Variants in FOXP2 observed in about 807,000 individuals in gnomAD.
The protein encoded by FOXP2 is forkhead box protein P2.
FOXP2 carries 12 observed loss-of-function variants against 115.8 expected under a neutral mutation model. The observed-to-expected ratio is 0.10, with a 90% confidence interval of 0.07 to 0.17. FOXP2 has a LOEUF of 0.17. Ranked by LOEUF, FOXP2 falls within the 10% of genes least tolerant of loss-of-function variation. The pLI is 1.00. For synonymous variants in FOXP2, 328 were observed against 297.7 expected (o/e 1.10, Z -1.05); for missense variants, 629 against 843.5 (o/e 0.75, Z 3.15).
chr7:114,261,305 A>T (rs747056168), intron 1 of FOXP2, among the ~76,000 whole-genome samples: 14 of 152,326 alleles, frequency 9.2e-5, no homozygotes, highest in Non-Finnish European at 2.1e-4. Flanking sequence ...CGCTATGCTA[A>T]CTTTACTTTT....
chr7:114,539,616 G>A (rs980942266), intron 3 of FOXP2, among the ~76,000 whole-genome samples: 1 of 151,932 alleles, frequency 6.6e-6, no homozygotes, highest in Non-Finnish European at 1.5e-5. Flanking sequence ...GTCTTGTGTG[G>A]CTCTTATTTT....
chr7:114,625,905 A>T (rs1226649529), intron 3 of FOXP2, among the ~76,000 whole-genome samples: 1 of 151,754 alleles, frequency 6.6e-6, no homozygotes, highest in African/African-American at 2.4e-5. Flanking sequence ...CTATATAATT[A>T]ATTTTAATTT....
At chr7:114,252,748 T>C (rs915753243) in intron 1 of FOXP2, among the ~76,000 whole-genome samples, 1 of 151,814 alleles carries the variant, frequency 6.6e-6, no homozygotes, top group African/African-American at 2.4e-5. Flanking sequence ...AACCAGCTCC[T>C]GCTTTCATTG....
chr7:114,193,277 A>G (rs1793812382), intron 1 of FOXP2, among the ~76,000 whole-genome samples: 1 of 152,086 alleles, frequency 6.6e-6, no homozygotes, highest in Non-Finnish European at 1.5e-5. Context: ...ATGCAAACTA[A>G]TATTAATGCT....
At chr7:114,192,223 G>C (rs1321013771) in intron 1 of FOXP2, among the ~76,000 whole-genome samples, 1 of 151,984 alleles carries the variant, frequency 6.6e-6, no homozygotes, top group Non-Finnish European at 1.5e-5. Flanking sequence ...TTGACCTCGT[G>C]ATCTGCCCGC....
At chr7:114,469,266 A>G (rs1795940398) in intron 2 of FOXP2, among the ~76,000 whole-genome samples, 2 of 152,290 alleles carry the variant, frequency 1.3e-5, no homozygotes, top group South Asian at 4.1e-4. Context: ...ACAGGAAAAA[A>G]GGTCTCAGTC....
chr7:114,309,173 T>G (rs1797084320), intron 2 of FOXP2, among the ~76,000 whole-genome samples: 1 of 152,196 alleles, frequency 6.6e-6, no homozygotes. Context: ...ATTAGACAAG[T>G]GTATCTCCCA....
intron 2 of FOXP2, among the ~76,000 whole-genome samples, chr7:114,307,782 G>T (rs760261773): frequency 2.8e-4 from 43 of 152,104 alleles, no homozygotes; most frequent in Non-Finnish European, 5.7e-4. Flanking sequence ...ATTGGGGGTG[G>T]GGAGAGGATG....
intron 2 of FOXP2, among the ~76,000 whole-genome samples, chr7:114,465,061 G>A (rs186670914): frequency 6.6e-6 from 1 of 152,246 alleles, no homozygotes; most frequent in East Asian, 1.9e-4. Context: ...GGACATTATA[G>A]TTGATTTAGG....
chr7:114,442,636 T>G (rs1268363129), intron 2 of FOXP2, among the ~76,000 whole-genome samples: 2 of 152,008 alleles, frequency 1.3e-5, no homozygotes, highest in African/African-American at 4.8e-5. Context: ...ATATTTTTAG[T>G]AGAGATGGGG....
At chr7:114,116,363 C>T (rs1040072797) in intron 1 of FOXP2, among the ~76,000 whole-genome samples, 4 of 152,094 alleles carry the variant, frequency 2.6e-5, no homozygotes, top group African/African-American at 7.2e-5. Context: ...TTACTTTTAA[C>T]CCATTTCTAG....
chr7:114,149,041 A>G (rs907437481), intron 1 of FOXP2, among the ~76,000 whole-genome samples: 4 of 152,162 alleles, frequency 2.6e-5, no homozygotes, highest in Non-Finnish European at 5.9e-5. Flanking sequence ...AGTGCGGAAC[A>G]TAGCCTCTGG....
intron 1 of FOXP2, among the ~76,000 whole-genome samples, chr7:114,266,635 A>G (rs978366129): frequency 2.6e-5 from 4 of 152,080 alleles, no homozygotes; most frequent in Middle Eastern, 3.2e-3. Flanking sequence ...ACACCTCCCA[A>G]TAGGCCCCAC....
intron 1 of FOXP2, among the ~76,000 whole-genome samples, chr7:114,123,018 A>C (rs1791609543): frequency 6.6e-6 from 1 of 152,012 alleles, no homozygotes; most frequent in South Asian, 2.1e-4. Flanking sequence ...TTGCAATCAA[A>C]TTAAGAAATT....
intron 1 of FOXP2, among the ~76,000 whole-genome samples, chr7:114,102,110 C>A (rs946412565): frequency 1.7e-4 from 26 of 151,942 alleles, no homozygotes; most frequent in African/African-American, 6.3e-4. Flanking sequence ...TCATTTTGAG[C>A]ATTTATTAAA....
intron 3 of FOXP2, among the ~76,000 whole-genome samples, chr7:114,612,845 A>G (rs1158500788): frequency 6.6e-6 from 1 of 152,118 alleles, no homozygotes; most frequent in Non-Finnish European, 1.5e-5. Flanking sequence ...AGTTTATCTA[A>G]TTTTCCTCTC....
At chr7:114,672,182 A>G (rs895976957) in intron 16 of FOXP2, among the ~76,000 whole-genome samples, 1 of 152,220 alleles carries the variant, frequency 6.6e-6, no homozygotes, top group Non-Finnish European at 1.5e-5. Context: ...TGATCACACA[A>G]TGTTATCTTA....
At chr7:114,603,958 T>C (rs1332344898) in intron 3 of FOXP2, among the ~76,000 whole-genome samples, 7 of 152,236 alleles carry the variant, frequency 4.6e-5, no homozygotes, top group Non-Finnish European at 7.3e-5. Context: ...AAACTTTAGA[T>C]ATGCCAGAGA....
At chr7:114,424,684 TATG>T (rs1262721238) in intron 1 of FOXP2, among the ~76,000 whole-genome samples, 2 of 151,548 alleles carry the variant, frequency 1.3e-5, no homozygotes, top group Admixed American at 1.3e-4. Context: ...TTTTAATTTA[TATG>T]ATTTTTTCTT....
Sources: gnomAD v4.1 joint callset for allele counts (sites outside exome capture counted in the v4.1 genomes callset) on GRCh38, gnomAD v4.1.1 for gene constraint, MANE v1.5 for transcripts, NCBI Gene and HGNC (gene_info 2026-07-23, HGNC 2026-07-21) for gene names.